The following HERC4 variants were observed in gnomAD, a reference collection of about 807,000 sequenced individuals.
HERC4 encodes the protein probable E3 ubiquitin-protein ligase HERC4.
A neutral mutation model predicts 124.3 loss-of-function variants in HERC4; 28 were observed. The observed-to-expected ratio is 0.23, with a 90% CI of 0.17 to 0.31. HERC4 has a LOEUF of 0.31. HERC4 is among the 10% of genes least tolerant of loss of function. HERC4 has a pLI of 1.00. For missense variants in HERC4, 713 were observed against 1,229.3 expected (o/e 0.58, Z 6.28); for synonymous variants, 407 against 421.5 (o/e 0.97, Z 0.42).
chr10:67,970,213 G>A (rs1014849704), intron 15 of HERC4, among the ~76,000 whole-genome samples: 5 of 152,130 alleles, frequency 3.3e-5, no homozygotes, highest in Admixed American at 2.0e-4. Flanking sequence ...GATAGTAGAG[G>A]TGTACCAATT....
At chr10:68,034,274 T>C (rs1450252739) in intron 5 of HERC4, 88 bp from the exon 6 acceptor site, 1 of 933,498 alleles carries the variant, frequency 1.1e-6, no homozygotes, top group Non-Finnish European at 1.6e-6. Flanking sequence ...AAATTTCATA[T>C]AAAGAATATT....
Position 67,975,114 on chromosome 10 carries a change from G to A in HERC4, c.1807-8312C>T, listed in dbSNP as rs546349206. On this transcript the variant is annotated intron_variant, in intron 15 of 24. Transcript: ENST00000373700. ...TGAGGCAGGAGAATCGCTTGAACCC[G>A]GGAGGCAGAGGTTGTGGTGAGCCGA... Among the ~76,000 whole-genome samples, 35 of 152,058 alleles carry A rather than the reference G, an allele frequency of 2.3e-4. No homozygotes were observed. In the East Asian group the frequency reaches 5.8e-3, roughly 25 times the overall value.
Position 67,927,348 on chromosome 10 carries a change from G to A in HERC4, c.2839-2161C>T, listed in dbSNP as rs1436394772. 4.6e-5 allele frequency among the ~76,000 whole-genome samples: 6 copies of A among 129,100 alleles called. No individual in the cohort carries two copies. The East Asian group carries it at 1.7e-3, about 37-fold the overall frequency. 84.7% of individuals were successfully genotyped at this position (129,100 alleles called of 152,430 possible). On this transcript the variant is annotated intron_variant, in intron 23 of 24. Transcript: ENST00000373700. ...ATTGTAATGAATCAGATATACAACA[G>A]AAGAAATCAAAGTGTTAAGAATAAA...
chr10:67,956,324 T>G (rs2034142121), intron 17 of HERC4: 1 of 151,930 alleles, frequency 6.6e-6, no homozygotes, highest in Admixed American at 6.6e-5. Context: ...ATGAAAGAAC[T>G]CTCAACATAA....
At chr10:67,939,125 T>A (rs368912891) in intron 21 of HERC4, among the ~76,000 whole-genome samples, 4 of 152,244 alleles carry the variant, frequency 2.6e-5, no homozygotes, top group South Asian at 4.1e-4. Flanking sequence ...TAGTATGAAA[T>A]AGAAAGGAAT....
At chr10:67,931,916 A>C (rs1227458676) in intron 23 of HERC4, among the ~76,000 whole-genome samples, 2 of 152,120 alleles carry the variant, frequency 1.3e-5, no homozygotes, top group Non-Finnish European at 2.9e-5. Context: ...GTTTGCTACC[A>C]CATCTGGCTA....
At chr10:67,943,258 T>G (rs999696159) in intron 19 of HERC4, among the ~76,000 whole-genome samples, 2 of 152,252 alleles carry the variant, frequency 1.3e-5, no homozygotes, top group African/African-American at 2.4e-5. Flanking sequence ...GCAGACTGAT[T>G]AATGTGTTAA....
chr10:67,963,629 C>A (rs1284653750), intron 16 of HERC4, among the ~76,000 whole-genome samples: 1 of 152,162 alleles, frequency 6.6e-6, no homozygotes, highest in Non-Finnish European at 1.5e-5. Context: ...TAAGTGAACA[C>A]TGGGCTTCTT....
At chr10:68,036,121 T>C (rs1198050379) in intron 5 of HERC4, among the ~76,000 whole-genome samples, 1 of 151,802 alleles carries the variant, frequency 6.6e-6, no homozygotes, top group African/African-American at 2.4e-5. Flanking sequence ...GAGACCATCC[T>C]GGCTAACACA....
chr10:67,999,651 C>G (rs2037109279), intron 9 of HERC4, among the ~76,000 whole-genome samples: 1 of 152,098 alleles, frequency 6.6e-6, no homozygotes, highest in Non-Finnish European at 1.5e-5. Flanking sequence ...CAAGGTCCAG[C>G]AGAATAAGAA....
At chr10:67,994,278 G>A (rs989140208) in intron 9 of HERC4, 2 of 152,092 alleles carry the variant, frequency 1.3e-5, no homozygotes, top group Non-Finnish European at 1.5e-5. Context: ...AAAAGATTTA[G>A]CAGGATGTTA....
At chr10:67,990,847 AC>A in intron 13 of HERC4, 56 bp downstream of exon 13, 1 of 1,094,498 alleles carries the variant, frequency 9.1e-7, no homozygotes, top group Non-Finnish European at 1.3e-6. Context: ...AACGTATAAA[AC>A]AAAAGAAAAC....
In HERC4 at chr10:67,966,331, G is replaced by A. The variant is rs2034861693; in HGVS notation, c.1926+352C>T. On this transcript the variant is annotated intron_variant, in intron 16 of 24. Transcript: ENST00000373700. ...TCACAACAATAATGCATTCTTAGGA[G>A]TTCCAGTATGAAGAATGCCAGTATT... The A allele has an allele frequency of 4.5e-5, 10 of 221,408 alleles. No individual in the cohort carries two copies. The South Asian group carries it at 6.4e-4, about 14-fold the overall frequency. 13.7% of individuals were successfully genotyped at this position (221,408 alleles called of 1,614,324 possible).
At chr10:68,047,152 C>T (rs2133541126) in intron 3 of HERC4, among the ~76,000 whole-genome samples, 1 of 150,638 alleles carries the variant, frequency 6.6e-6, no homozygotes, top group East Asian at 1.9e-4. Context: ...AAATAGTATT[C>T]ATCTCAGACA....
At chr10:67,939,748 T>G in intron 20 of HERC4, 94 bp from the exon 21 acceptor site, 13 of 510,986 alleles carry the variant, frequency 2.5e-5, no homozygotes, top group Middle Eastern at 5.5e-4. Flanking sequence ...ATACTTCTCA[T>G]TCCCTCTTGG....
chr10:67,957,085 T>C, intron 16 of HERC4, 109 bp from the exon 17 acceptor site: 2 of 582,166 alleles, frequency 3.4e-6, no homozygotes, highest in South Asian at 3.1e-5. Flanking sequence ...TTCACTCATG[T>C]GGTTCTGGAA....
chr10:68,006,103 A>T (rs991308024), intron 9 of HERC4, among the ~76,000 whole-genome samples: 6 of 152,220 alleles, frequency 3.9e-5, no homozygotes, highest in African/African-American at 1.4e-4. Context: ...TAATTTTATT[A>T]CATCTATTTA....
At chr10:68,060,294 G>A (rs1412111043) in intron 3 of HERC4, among the ~76,000 whole-genome samples, 3 of 152,064 alleles carry the variant, frequency 2.0e-5, no homozygotes, top group Non-Finnish European at 4.4e-5. Flanking sequence ...ACAAATAACA[G>A]TGGCACGATC....
intron 3 of HERC4, among the ~76,000 whole-genome samples, chr10:68,059,673 T>TTATATATCATAATATTATATATTATAA (rs2040820139): frequency 2.9e-5 from 2 of 67,798 alleles, no homozygotes; most frequent in African/African-American, 2.0e-4. Context: ...ATATATTATA[T>TTATATATCATAATATTATATATTATAA]TATATATCAT....
Sources: allele counts gnomAD v4.1 joint callset (sites outside exome capture counted in the v4.1 genomes callset), GRCh38; gene constraint gnomAD v4.1.1; transcripts MANE v1.5; gene names NCBI Gene and HGNC (gene_info 2026-07-23, HGNC 2026-07-21).